FARS2: variants seen among roughly 807,000 people sequenced by gnomAD.
The protein encoded by FARS2 is phenylalanine--tRNA ligase, mitochondrial.
FARS2 carries 40 observed loss-of-function variants against 46.4 expected under a neutral mutation model. That is an observed-to-expected ratio of 0.86 (90% CI 0.67 to 1.12). The LOEUF (loss-of-function observed/expected upper bound fraction) is 1.12, where lower values mean the gene tolerates loss of function less well. Among genes scored for constraint, FARS2 ranks in the 50% most tolerant of loss-of-function variants. FARS2 has a pLI of 0.00. For missense variants in FARS2, 513 were observed against 567.9 expected (o/e 0.90, Z 0.98); for synonymous variants, 234 against 214.9 (o/e 1.09, Z -0.78).
intron 1 of FARS2, among the ~76,000 whole-genome samples, chr6:5,294,222 T>C (rs1767697836): frequency 6.6e-6 from 1 of 152,166 alleles, no homozygotes; most frequent in Non-Finnish European, 1.5e-5. Context: ...ACTAGGCATT[T>C]GAGTTTCGGA....
At chr6:5,714,695 A>G (rs1759388094) in intron 6 of FARS2, among the ~76,000 whole-genome samples, 1 of 152,110 alleles carries the variant, frequency 6.6e-6, no homozygotes, top group South Asian at 2.1e-4. Context: ...GCACTCCTGA[A>G]GGAGCTGACC....
At chr6:5,438,669 A>C (rs1763674191) in intron 4 of FARS2, among the ~76,000 whole-genome samples, 2 of 152,160 alleles carry the variant, frequency 1.3e-5, no homozygotes, top group African/African-American at 4.8e-5. Context: ...CATTATCCAA[A>C]ATGCTTGGAA....
chr6:5,750,176 A>T (rs1190229746), intron 6 of FARS2, among the ~76,000 whole-genome samples: 1 of 152,124 alleles, frequency 6.6e-6, no homozygotes, highest in Non-Finnish European at 1.5e-5. Context: ...CCAGGGGAAT[A>T]CCTAGAAGAG....
chr6:5,362,413 TTCTG>T (rs1411395313), intron 1 of FARS2, among the ~76,000 whole-genome samples: 1 of 152,228 alleles, frequency 6.6e-6, no homozygotes, highest in Non-Finnish European at 1.5e-5. Flanking sequence ...CAGGATTTAC[TTCTG>T]TCTAAAGGCT....
At chr6:5,464,765 A>G (rs1337091117) in intron 4 of FARS2, among the ~76,000 whole-genome samples, 2 of 152,226 alleles carry the variant, frequency 1.3e-5, no homozygotes, top group African/African-American at 4.8e-5. Context: ...CACAAACCAG[A>G]GAAAAGTATC....
intron 5 of FARS2, among the ~76,000 whole-genome samples, chr6:5,555,706 A>G (rs1056271714): frequency 7.2e-5 from 11 of 152,072 alleles, no homozygotes; most frequent in African/African-American, 2.7e-4. Flanking sequence ...CAGTATTTCC[A>G]TGTGTATTTT....
intron 6 of FARS2, among the ~76,000 whole-genome samples, chr6:5,719,314 C>T (rs1370814871): frequency 6.9e-6 from 1 of 145,284 alleles, no homozygotes; most frequent in Non-Finnish European, 1.5e-5. Context: ...GCTGAATGGT[C>T]AAGGCTACAG....
intron 4 of FARS2, among the ~76,000 whole-genome samples, chr6:5,465,898 T>TAGTTG (rs1472301376): frequency 1.3e-5 from 2 of 152,186 alleles, no homozygotes; most frequent in Non-Finnish European, 1.5e-5. Context: ...AAAAATAGTT[T>TAGTTG]ATCAACCTCT....
chr6:5,478,144 G>A (rs1200026323), intron 4 of FARS2, among the ~76,000 whole-genome samples: 1 of 152,088 alleles, frequency 6.6e-6, no homozygotes, highest in Non-Finnish European at 1.5e-5. Flanking sequence ...CCTGGCACAC[G>A]AAGACACTCA....
At chr6:5,394,822 ATTTTT>A (rs1267258683) in intron 2 of FARS2, among the ~76,000 whole-genome samples, 1 of 151,544 alleles carries the variant, frequency 6.6e-6, no homozygotes, top group African/African-American at 2.4e-5. Flanking sequence ...ATATAAAAAG[ATTTTT>A]TTTCTTGATG....
At chr6:5,509,022 A>G (rs902678872) in intron 4 of FARS2, among the ~76,000 whole-genome samples, 1 of 152,240 alleles carries the variant, frequency 6.6e-6, no homozygotes, top group Non-Finnish European at 1.5e-5. Context: ...CGGCTCTGCC[A>G]TGGTAGTGTG....
intron 6 of FARS2, among the ~76,000 whole-genome samples, chr6:5,666,260 A>G (rs1252042571): frequency 6.6e-6 from 1 of 152,220 alleles, no homozygotes; most frequent in East Asian, 1.9e-4. Flanking sequence ...AAACATAAGT[A>G]AGAGTCAACA....
chr6:5,691,628 C>T (rs1757724762), intron 6 of FARS2, among the ~76,000 whole-genome samples: 1 of 152,210 alleles, frequency 6.6e-6, no homozygotes, highest in Non-Finnish European at 1.5e-5. Context: ...TTAGGCTACT[C>T]AGGGGTCAGG....
intron 3 of FARS2, among the ~76,000 whole-genome samples, chr6:5,420,322 C>G (rs888741585): frequency 6.6e-6 from 1 of 152,172 alleles, no homozygotes; most frequent in African/African-American, 2.4e-5. Context: ...CATTTCAAAA[C>G]CAATCATGCC....
chr6:5,552,456 C>T (rs1771424505), intron 5 of FARS2, among the ~76,000 whole-genome samples: 1 of 152,112 alleles, frequency 6.6e-6, no homozygotes, highest in Admixed American at 6.5e-5. Flanking sequence ...CTAAGTGATG[C>T]TCTAGGCTGT....
chr6:5,710,135 G>T (rs1034588414), intron 6 of FARS2, among the ~76,000 whole-genome samples: 7 of 152,180 alleles, frequency 4.6e-5, no homozygotes, highest in African/African-American at 1.4e-4. Flanking sequence ...AAGTAGGAAG[G>T]CCTTTGGCTT....
At chr6:5,256,367 G>GT (rs2127781017), upstream of FARS2, among the ~76,000 whole-genome samples, 1 of 151,744 alleles carries the variant, frequency 6.6e-6, no homozygotes, top group African/African-American at 2.4e-5. Flanking sequence ...GCAGGCACCT[G>GT]TAATCCCAGC....
At chr6:5,366,227 G>T (rs1758667588) in intron 1 of FARS2, among the ~76,000 whole-genome samples, 1 of 152,150 alleles carries the variant, frequency 6.6e-6, no homozygotes. Context: ...TTCTTTGTTG[G>T]TAAAGTGGTA....
chr6:5,374,405 AAG>A (rs555320040), intron 2 of FARS2, among the ~76,000 whole-genome samples: 201 of 152,246 alleles, frequency 1.3e-3, no homozygotes, highest in African/African-American at 4.5e-3. Context: ...AATATAAAAA[AAG>A]AGTGCAGGAT....
Sources: allele counts gnomAD v4.1 joint callset (sites outside exome capture counted in the v4.1 genomes callset), GRCh38; gene constraint gnomAD v4.1.1; transcripts MANE v1.5; gene names NCBI Gene and HGNC (gene_info 2026-07-23, HGNC 2026-07-21).